PAFAH1B1: variants seen among roughly 807,000 people sequenced by gnomAD.
PAFAH1B1 encodes the protein platelet activating factor acetylhydrolase 1b regulatory subunit 1, also known as platelet-activating factor acetylhydrolase IB subunit beta.
A neutral mutation model predicts 57.5 loss-of-function variants in PAFAH1B1; 2 were observed. The ratio of observed to expected loss-of-function variants is 0.03; its 90% CI spans 0.01 to 0.11. PAFAH1B1 has a LOEUF of 0.11. PAFAH1B1 is among the 10% of genes least tolerant of loss of function. The pLI is 1.00. For missense variants in PAFAH1B1, 257 were observed against 512.0 expected (o/e 0.50, Z 4.81); for synonymous variants, 152 against 169.6 (o/e 0.90, Z 0.81).
chr17:2,672,420 A>G (rs2069197063), intron 6 of PAFAH1B1, among the ~76,000 whole-genome samples: 1 of 152,044 alleles, frequency 6.6e-6, no homozygotes, highest in Non-Finnish European at 1.5e-5. Context: ...CCATTTGTAC[A>G]GGTTGAAATT....
rs76026762 is a variant in PAFAH1B1, at chr17:2,595,566, A to G, written c.-191+1560A>G. On this transcript the variant is annotated intron_variant, in intron 1 of 10. Coordinates refer to ENST00000397195, the MANE Select transcript of PAFAH1B1 (RefSeq NM_000430.4). ...ACTTAAAAAATTCTGATTTGGTTTT[A>G]AGGCATTAGCTAGCTTTTAATCTCT... 0.024 allele frequency among the ~76,000 whole-genome samples: 3,623 copies of G among 152,104 alleles called. 122 individuals carry two copies. Among genetic ancestry groups the G allele is most frequent in the African/African-American group, 0.078 (3,243 of 41,452 alleles).
chr17:2,679,213 G>A (rs2069323900), intron 9 of PAFAH1B1, among the ~76,000 whole-genome samples: 1 of 152,202 alleles, frequency 6.6e-6, no homozygotes, highest in Non-Finnish European at 1.5e-5. Flanking sequence ...GTTGTTAGAT[G>A]CTCTTCTACA....
chr17:2,615,884 A>G (rs1363977866), intron 1 of PAFAH1B1, among the ~76,000 whole-genome samples: 5 of 152,050 alleles, frequency 3.3e-5, no homozygotes, highest in Non-Finnish European at 7.4e-5. Context: ...GTGATAAGGA[A>G]ATCCAGGAGG....
intron 1 of PAFAH1B1, among the ~76,000 whole-genome samples, chr17:2,631,260 A>C (rs2068551792): frequency 6.6e-6 from 1 of 151,990 alleles, no homozygotes; most frequent in Admixed American, 6.6e-5. Flanking sequence ...AAAAGAAAGA[A>C]AAAGAAAGAA....
Position 2,633,961 on chromosome 17 carries a change from C to CTTT in PAFAH1B1, c.-190-4118_-190-4116dup, listed in dbSNP as rs553588827. Among the ~76,000 whole-genome samples, 498 of 119,714 alleles carry CTTT rather than the reference C, an allele frequency of 4.2e-3. 2 individuals carry two copies. Among genetic ancestry groups the CTTT allele is most frequent in the Middle Eastern group, 0.014 (3 of 220 alleles). 78.5% of individuals were successfully genotyped at this position (119,714 alleles called of 152,430 possible). ...CATTTCTAAATAAAAAGTACCAAAC[C>CTTT]TTTTTTTTTTTTTTTTTTTTTTAAT... On this transcript the variant is annotated intron_variant, in intron 1 of 10. Coordinates refer to ENST00000397195, the MANE Select transcript of PAFAH1B1 (RefSeq NM_000430.4).
chr17:2,601,946 A>G (rs552890039), intron 1 of PAFAH1B1, among the ~76,000 whole-genome samples: 1 of 152,372 alleles, frequency 6.6e-6, no homozygotes, highest in African/African-American at 2.4e-5. Flanking sequence ...AGATTTGTCA[A>G]AGGGATCAAT....
chr17:2,672,980 A>T (rs911656962), intron 7 of PAFAH1B1, among the ~76,000 whole-genome samples: 1 of 152,136 alleles, frequency 6.6e-6, no homozygotes, highest in Non-Finnish European at 1.5e-5. Context: ...AGACAGGAGA[A>T]TCACTTGAAC....
At chr17:2,672,819 C>T in intron 7 of PAFAH1B1, 62 bp downstream of exon 7, 1 of 1,092,292 alleles carries the variant, frequency 9.2e-7, no homozygotes, top group African/African-American at 1.6e-5. Flanking sequence ...CCTGTCATCC[C>T]AGCGCTTTGG....
intron 1 of PAFAH1B1, among the ~76,000 whole-genome samples, chr17:2,612,401 T>A (rs2151615669): frequency 6.6e-6 from 1 of 151,352 alleles, no homozygotes; most frequent in South Asian, 2.1e-4. Flanking sequence ...AGAGACGAGG[T>A]TTTGCCATGT....
chr17:2,607,756 G>C (rs1246712133), intron 1 of PAFAH1B1, among the ~76,000 whole-genome samples: 1 of 152,102 alleles, frequency 6.6e-6, no homozygotes, highest in African/African-American at 2.4e-5. Context: ...AAAGTTCTGG[G>C]ATTACAGGTG....
chr17:2,630,679 C>T (rs1030009526), intron 1 of PAFAH1B1, among the ~76,000 whole-genome samples: 5 of 152,152 alleles, frequency 3.3e-5, no homozygotes, highest in African/African-American at 1.2e-4. Flanking sequence ...GGGGAGTTTC[C>T]TCAGTTATTC....
At chr17:2,626,198 A>G (rs912029878) in intron 1 of PAFAH1B1, among the ~76,000 whole-genome samples, 3 of 151,950 alleles carry the variant, frequency 2.0e-5, no homozygotes, top group Non-Finnish European at 2.9e-5. Context: ...AGGTTGCAGT[A>G]AGCCGAGATC....
Position 2,672,088 on chromosome 17 carries a change from T to G in PAFAH1B1, c.569-567T>G, listed in dbSNP as rs184864894. Among the ~76,000 whole-genome samples, 223 of 152,086 alleles carry G rather than the reference T, an allele frequency of 1.5e-3. 4 individuals are homozygous for G. The highest frequency in any genetic ancestry group is 1.2e-3 in the East Asian group (6 of 5,152). The stretch of plus-strand genomic sequence containing the variant: ...GTTCGAGACCAGTGTGAGCAAAATA[T>G]GGAGACCTTGTCTCTACAAAAAATA... On this transcript the variant is annotated intron_variant, in intron 6 of 10. Transcript: ENST00000397195.
rs1211479774 is a variant in PAFAH1B1, at chr17:2,682,096, T to C, written c.*294T>C. 1 of 319,332 alleles carries C rather than the reference T, an allele frequency of 3.1e-6. No homozygotes were observed. Among genetic ancestry groups the C allele is most frequent in the East Asian group, 5.0e-5 (1 of 20,018 alleles). 19.8% of individuals were successfully genotyped at this position (319,332 alleles called of 1,614,324 possible). ...AGTTGAATCAATTGAACTAGGGCAC[T>C]AAACTGAATAGTTGACAGTGTCATT... On this transcript the variant is annotated 3_prime_UTR_variant, in exon 11 of 11. Coordinates refer to ENST00000397195, the MANE Select transcript of PAFAH1B1 (RefSeq NM_000430.4).
At chr17:2,624,301 C>T (rs1461583212) in intron 1 of PAFAH1B1, among the ~76,000 whole-genome samples, 3 of 152,194 alleles carry the variant, frequency 2.0e-5, no homozygotes, top group African/African-American at 4.8e-5. Context: ...CCAAACTCTG[C>T]CTGTTACCCA....
rs1328435275 is a variant in PAFAH1B1 at position 2,683,561 on chromosome 17, TTTGTTTGTTTGC to T, written c.*1770_*1781del. On this transcript the variant is annotated 3_prime_UTR_variant, in exon 11 of 11. Coordinates refer to ENST00000397195, the MANE Select transcript of PAFAH1B1 (RefSeq NM_000430.4). ...CAGCTTTATGTCTAGCTTGTGTCTT[TTTGTTTGTTTGC>T]TTGTTTGTTTTTAGATTCCTGAGAG... 1.3e-5 allele frequency: 2 copies of T among 152,242 alleles called. No individual in the cohort carries two copies. Among genetic ancestry groups the T allele is most frequent in the African/African-American group, 2.4e-5 (1 of 41,450 alleles). 9.4% of individuals were successfully genotyped at this position (152,242 alleles called of 1,614,324 possible).
chr17:2,626,618 G>C lies in PAFAH1B1; in HGVS notation c.-190-11481G>C, dbSNP rs372176762. Among the ~76,000 whole-genome samples, 4 of 138,056 alleles carry C rather than the reference G, an allele frequency of 2.9e-5. No homozygotes were observed. In the South Asian group the frequency reaches 7.0e-4, roughly 24 times the overall value. The allele number at this position is 138,056 out of a possible 152,430, so 90.6% of individuals were successfully genotyped here. ...GCCCAGAGCTGGAGTGCAGTGGCGC[G>C]ATCTTGGCTCACTGCAACCTCTGAC... On this transcript the variant is annotated intron_variant, in intron 1 of 10. Coordinates refer to ENST00000397195, the MANE Select transcript of PAFAH1B1 (RefSeq NM_000430.4).
At chr17:2,650,605 A>C (rs1197070433) in intron 2 of PAFAH1B1, among the ~76,000 whole-genome samples, 1 of 141,508 alleles carries the variant, frequency 7.1e-6, no homozygotes, top group Non-Finnish European at 1.5e-5. Context: ...GCGCCACTGC[A>C]CTCCAGCCTG....
chr17:2,601,658 C>T (rs2068145549), intron 1 of PAFAH1B1, among the ~76,000 whole-genome samples: 2 of 152,032 alleles, frequency 1.3e-5, no homozygotes, highest in Non-Finnish European at 2.9e-5. Context: ...GTCAGGCAGG[C>T]CTTGAACTCC....
Sources: gnomAD v4.1 joint callset for allele counts (sites outside exome capture counted in the v4.1 genomes callset) on GRCh38, gnomAD v4.1.1 for gene constraint, MANE v1.5 for transcripts, NCBI Gene and HGNC (gene_info 2026-07-23, HGNC 2026-07-21) for gene names.